The following GULP1 variants were observed in gnomAD, a reference collection of about 807,000 sequenced individuals.
The protein encoded by GULP1 is PTB domain-containing engulfment adapter protein 1.
Under a neutral mutation model 40.9 loss-of-function variants are expected in GULP1, and 19 were observed. That is an observed-to-expected ratio of 0.46 (90% confidence interval 0.32 to 0.68). The LOEUF is 0.68. Ranked by LOEUF, GULP1 falls within the 30% of genes least tolerant of loss-of-function variation. The probability of loss-of-function intolerance (pLI) is 0.03; values close to 1 mark genes in which losing one functional copy is unlikely to be tolerated. For synonymous variants in GULP1, 119 were observed against 117.6 expected, an observed-to-expected ratio of 1.01 and a Z score of -0.08; for missense variants, 312 against 362.2, an observed-to-expected ratio of 0.86 and a Z score of 1.12.
intron 2 of GULP1, among the ~76,000 whole-genome samples, chr2:188,451,737 T>C (rs1028176958): frequency 6.6e-6 from 1 of 152,134 alleles, no homozygotes; most frequent in Non-Finnish European, 1.5e-5. Context: ...TTATAGTTTA[T>C]TCTTCTCTTT....
Position 188,529,139 on chromosome 2 carries a change from A to G in GULP1, c.205A>G (p.Lys69Glu). ...IKKSEGQKIP[K>E]VELQISIYGV... is the part of the protein sequence containing the mutation. ...GAAATCTGAAGGCCAGAAAATTCCT[A>G]AAGTGGAGTTGCAAATATCAATTTA... The change falls in exon 6 of 12, where the codon AAA becomes GAA. Residue 69 changes from lysine to glutamate, a missense_variant. Lys to Glu is a moderately conservative substitution (Grantham distance 56). Coordinates refer to ENST00000409830, the MANE Select transcript of GULP1 (RefSeq NM_016315.4). 4 of 1,588,110 alleles carry G rather than the reference A, an allele frequency of 2.5e-6. No individual in the cohort carries two copies. Among genetic ancestry groups the G allele is most frequent in the Non-Finnish European group, 3.4e-6 (4 of 1,162,946 alleles).
intron 2 of GULP1, among the ~76,000 whole-genome samples, chr2:188,468,031 A>G (rs899552385): frequency 6.6e-6 from 1 of 152,184 alleles, no homozygotes; most frequent in East Asian, 1.9e-4. Context: ...TATCAGAACA[A>G]TCAACAGCGT....
In GULP1 at chr2:188,414,216, C is replaced by CAA. The variant is rs774779119; in HGVS notation, c.-45+30346_-45+30347dup. Among the ~76,000 whole-genome samples, 34 of 44,518 alleles carry CAA rather than the reference C, an allele frequency of 7.6e-4. 1 individual carries two copies. Among genetic ancestry groups the CAA allele is most frequent in the South Asian group, 3.2e-3 (4 of 1,244 alleles). The allele number at this position is 44,518 out of a possible 152,430, so 29.2% of individuals were successfully genotyped here. A position where few individuals can be genotyped will look rare whatever the true frequency, so the allele number is the denominator to read the frequency against. ...TGAGTGACAGAGCGAGACTCCATCTCAAAAAAAAAAAAAAAAAAAAGAAAA... is the reference window on the plus strand; with the variant it reads ...TGAGTGACAGAGCGAGACTCCATCTCAAAAAAAAAAAAAAAAAAAAAAGAAAA... On this transcript the variant is annotated intron_variant, in intron 2 of 11. Coordinates refer to ENST00000409830, the MANE Select transcript of GULP1 (RefSeq NM_016315.4).
At chr2:188,484,901 A>G (rs1474686077) in intron 4 of GULP1, among the ~76,000 whole-genome samples, 1 of 152,134 alleles carries the variant, frequency 6.6e-6, no homozygotes, top group Non-Finnish European at 1.5e-5. Flanking sequence ...GAATTTTTCT[A>G]TAAACTTAAC....
At chr2:188,567,818 C>A (rs567553044) in intron 7 of GULP1, among the ~76,000 whole-genome samples, 1 of 152,034 alleles carries the variant, frequency 6.6e-6, no homozygotes, top group East Asian at 1.9e-4. Context: ...AAACAGAAAC[C>A]TATTACCCAA....
chr2:188,587,938 G>A lies in GULP1; in HGVS notation c.832G>A (p.Asp278Asn). The A allele has an allele frequency of 6.4e-7, 1 of 1,553,740 alleles. No individual in the cohort carries two copies. Among genetic ancestry groups the A allele is most frequent in the Non-Finnish European group, 8.9e-7 (1 of 1,124,948 alleles). ...DFPPDIQSKL[D>N]EMQEGFKMGL... ...CCCTCCAGATATTCAATCAAAATTA[G>A]ATGAGATGCAGGTGACTATTTTGAT... The change falls in exon 11 of 12, where the codon GAT becomes AAT. Residue 278 changes from aspartate (D) to asparagine (N), a missense_variant. Coordinates refer to ENST00000409830, the MANE Select transcript of GULP1 (RefSeq NM_016315.4).
At chr2:188,376,602 A>G (rs1052760553) in intron 1 of GULP1, among the ~76,000 whole-genome samples, 1 of 152,218 alleles carries the variant, frequency 6.6e-6, no homozygotes, top group Non-Finnish European at 1.5e-5. Context: ...AAGGAAAATA[A>G]AAGTTATAAA....
intron 1 of GULP1, among the ~76,000 whole-genome samples, chr2:188,357,772 A>G (rs1156405876): frequency 6.6e-6 from 1 of 152,210 alleles, no homozygotes; most frequent in Non-Finnish European, 1.5e-5. Context: ...GCTAATCAAG[A>G]TATGTCCATT....
intron 1 of GULP1, among the ~76,000 whole-genome samples, chr2:188,306,514 A>T (rs1427972910): frequency 1.3e-5 from 2 of 152,202 alleles, no homozygotes. Flanking sequence ...TTGTGAGGGA[A>T]GATTTCTTGG....
At chr2:188,481,406 TATAAATG>T (rs1176817400) in intron 3 of GULP1, among the ~76,000 whole-genome samples, 1 of 151,968 alleles carries the variant, frequency 6.6e-6, no homozygotes, top group East Asian at 1.9e-4. Context: ...CTTCAGGTTT[TATAAATG>T]TACTGCTCAT....
chr2:188,304,604 A>T (rs1392848653), intron 1 of GULP1, among the ~76,000 whole-genome samples: 1 of 152,174 alleles, frequency 6.6e-6, no homozygotes, highest in Admixed American at 6.5e-5. Context: ...CCACCTTTGT[A>T]GCTGTCTTTA....
chr2:188,591,536 C>T (rs924543066), intron 11 of GULP1: 5 of 150,686 alleles, frequency 3.3e-5, no homozygotes, highest in South Asian at 4.2e-4. Context: ...TTCAAATCAA[C>T]GTAAAATGCA....
intron 6 of GULP1, among the ~76,000 whole-genome samples, chr2:188,534,236 TAGA>T (rs1290756994): frequency 2.0e-5 from 3 of 152,192 alleles, no homozygotes; most frequent in Non-Finnish European, 4.4e-5. Context: ...GGAATCAACC[TAGA>T]TGCCTCTCAA....
intron 2 of GULP1, among the ~76,000 whole-genome samples, chr2:188,461,106 T>C (rs1249850455): frequency 1.3e-5 from 2 of 152,138 alleles, no homozygotes; most frequent in Non-Finnish European, 2.9e-5. Flanking sequence ...TTATTTTCTA[T>C]TTATGTATTT....
At chr2:188,355,591 A>G (rs551190047) in intron 1 of GULP1, among the ~76,000 whole-genome samples, 1 of 152,210 alleles carries the variant, frequency 6.6e-6, no homozygotes, top group South Asian at 2.1e-4. Context: ...GAATTCTACC[A>G]AACTTGTAAA....
rs1487297479 is a variant in GULP1, at chr2:188,457,870, T to C, written c.-44-19789T>C. ...CAACCATGTTTATTAGTTATACTTA[T>C]CTTACATTTGGATTGCAGTCATCAT... On this transcript the variant is annotated intron_variant, in intron 2 of 11. Transcript: ENST00000409830. Among the ~76,000 whole-genome samples the C allele has an allele frequency of 1.3e-5, 2 of 152,294 alleles. 1 individual carries two copies. The highest frequency in any genetic ancestry group is 4.1e-4 in the South Asian group (2 of 4,826).
At chr2:188,333,293 T>C (rs1320035519) in intron 1 of GULP1, among the ~76,000 whole-genome samples, 1 of 151,522 alleles carries the variant, frequency 6.6e-6, no homozygotes, top group Non-Finnish European at 1.5e-5. Flanking sequence ...TGGCTACAGA[T>C]AGAAAGACAG....
At chr2:188,471,916 T>C (rs1445097405) in intron 2 of GULP1, among the ~76,000 whole-genome samples, 2 of 152,204 alleles carry the variant, frequency 1.3e-5, no homozygotes, top group South Asian at 2.1e-4. Flanking sequence ...TCTTTCTGAC[T>C]AAAGTACTTG....
chr2:188,340,107 G>C (rs2152134484), intron 1 of GULP1, among the ~76,000 whole-genome samples: 1 of 152,290 alleles, frequency 6.6e-6, no homozygotes, highest in Admixed American at 6.5e-5. Flanking sequence ...ACCTTTAGGA[G>C]GTGGTCACTT....
Sources: gnomAD v4.1 joint callset for allele counts (sites outside exome capture counted in the v4.1 genomes callset) on GRCh38, gnomAD v4.1.1 for gene constraint, MANE v1.5 for transcripts, NCBI Gene and HGNC (gene_info 2026-07-23, HGNC 2026-07-21) for gene names.